Variants in RB1CC1 observed in about 807,000 individuals in gnomAD.
RB1CC1 encodes the protein RB1-inducible coiled-coil protein 1.
In RB1CC1, 46 loss-of-function variants were observed where a neutral mutation model predicts 177.5. The ratio of observed to expected loss-of-function variants is 0.26; its 90% CI spans 0.20 to 0.33. The LOEUF (loss-of-function observed/expected upper bound fraction) is 0.33. Ranked by LOEUF, RB1CC1 falls within the 10% of genes least tolerant of loss-of-function variation. The probability of loss-of-function intolerance (pLI) is 1.00; values close to 1 mark genes in which losing one functional copy is unlikely to be tolerated. For synonymous variants in RB1CC1, 666 were observed against 613.6 expected (o/e 1.09, Z -1.26); for missense variants, 1,703 against 1,816.3 (o/e 0.94, Z 1.13).
chr8:52,641,341 G>GCCAT (rs1849555988), intron 18 of RB1CC1, among the ~76,000 whole-genome samples: 1 of 135,308 alleles, frequency 7.4e-6, no homozygotes, highest in Non-Finnish European at 1.5e-5. Context: ...CCGAGATTGT[G>GCCAT]CCATCACACT....
At chr8:52,713,933 TC>T (rs948173909) in intron 1 of RB1CC1, 141 bp downstream of exon 1, 1 of 167,126 alleles carries the variant, frequency 6.0e-6, no homozygotes, top group African/African-American at 2.4e-5. Flanking sequence ...GCCGGGGCCC[TC>T]CCGTGCACAC....
At chr8:52,665,048 T>C (rs1851950999) in intron 8 of RB1CC1, among the ~76,000 whole-genome samples, 1 of 152,138 alleles carries the variant, frequency 6.6e-6, no homozygotes, top group African/African-American at 2.4e-5. Flanking sequence ...CCCTAGTTTA[T>C]TCAATCTGAG....
rs186238093 is a variant in RB1CC1 at position 52,656,343 on chromosome 8, A to G, written c.3486T>C (p.His1162=). 33 of 1,612,206 alleles carry G rather than the reference A, an allele frequency of 2.0e-5. No individual in the cohort carries two copies. The highest frequency in any genetic ancestry group is 2.6e-5 in the Non-Finnish European group (31 of 1,179,520). The part of the protein sequence containing the change: ...KAELNKVTSL[H]NQAFEIEKNL... ...TTTTTTCTATTTCAAATGCTTGGTT[A>G]TGCAAAGATGTTACTTTGTTTAATT... The change falls in exon 15 of 24, where the codon CAT becomes CAC. Residue 1162 remains histidine, a synonymous_variant. Coordinates refer to ENST00000025008, the MANE Select transcript of RB1CC1 (RefSeq NM_014781.5).
intron 7 of RB1CC1, among the ~76,000 whole-genome samples, chr8:52,672,429 T>A (rs1274176160): frequency 2.0e-5 from 3 of 152,190 alleles, no homozygotes; most frequent in African/African-American, 7.2e-5. Flanking sequence ...TGTTTTGACA[T>A]CTGGCACAGC....
At chr8:52,685,055 T>C (rs1029156909) in intron 3 of RB1CC1, among the ~76,000 whole-genome samples, 1 of 147,846 alleles carries the variant, frequency 6.8e-6, no homozygotes, top group Admixed American at 6.9e-5. Flanking sequence ...TGGGCTGGAG[T>C]GCAGTGGTGC....
At chr8:52,709,916 T>C (rs1022110115) in intron 1 of RB1CC1, among the ~76,000 whole-genome samples, 3 of 152,208 alleles carry the variant, frequency 2.0e-5, no homozygotes, top group Non-Finnish European at 4.4e-5. Flanking sequence ...AATACAAATA[T>C]CTTCAAGATG....
intron 15 of RB1CC1, among the ~76,000 whole-genome samples, chr8:52,647,665 T>C (rs1273686364): frequency 6.6e-6 from 1 of 152,100 alleles, no homozygotes; most frequent in African/African-American, 2.4e-5. Flanking sequence ...CTGAAACTTT[T>C]AGGAATAAAA....
intron 16 of RB1CC1, chr8:52,643,037 A>G: frequency 2.6e-6 from 1 of 380,652 alleles, no homozygotes; most frequent in Non-Finnish European, 4.4e-6. Flanking sequence ...TTTTCTTATT[A>G]TTGTCCATAT....
intron 17 of RB1CC1, 28 bp downstream of exon 17, chr8:52,642,676 A>AAAAAAAATAGTAC (rs1849687241): frequency 6.4e-7 from 1 of 1,563,536 alleles, no homozygotes; most frequent in South Asian, 1.2e-5. Context: ...TTAAAAAATT[A>AAAAAAAATAGTAC]AAAAAAATAG....
chr8:52,673,977 A>T lies in RB1CC1; in HGVS notation c.870T>A (p.Asp290Glu). Residue 290 changes from aspartate to glutamate, a missense_variant, in exon 7 of 24, where the codon GAT (aspartate) becomes GAA (glutamate). Asp to Glu is a conservative substitution (Grantham distance 45). Transcript: ENST00000025008. ...ESCQSTVHQQ[D>E]ETTIDTKDGD... ...CATCTTTAGTGTCAATCGTAGTTTC[A>T]TCTTGCTGATGAACAGTACTTTGAC... The T allele has an allele frequency of 6.2e-7, 1 of 1,614,194 alleles. No individual in the cohort carries two copies. The highest frequency in any genetic ancestry group is 8.5e-7 in the Non-Finnish European group (1 of 1,180,026).
chr8:52,636,303 T>G (rs1849139626), intron 18 of RB1CC1, among the ~76,000 whole-genome samples: 1 of 152,200 alleles, frequency 6.6e-6, no homozygotes, highest in Admixed American at 6.5e-5. Context: ...TGCATTTATC[T>G]AGAGATGTCT....
At chr8:52,700,037 C>G (rs1855906467) in intron 1 of RB1CC1, among the ~76,000 whole-genome samples, 1 of 151,632 alleles carries the variant, frequency 6.6e-6, no homozygotes, top group African/African-American at 2.4e-5. Context: ...AATGCCTATA[C>G]AAGAGCTATG....
chr8:52,638,777 T>G (rs1253353738), intron 18 of RB1CC1, among the ~76,000 whole-genome samples: 1 of 152,120 alleles, frequency 6.6e-6, no homozygotes, highest in African/African-American at 2.4e-5. Context: ...ATGTAAAATA[T>G]GGCTCACCTC....
At chr8:52,703,258 C>T (rs1049745751) in intron 1 of RB1CC1, among the ~76,000 whole-genome samples, 1 of 152,172 alleles carries the variant, frequency 6.6e-6, no homozygotes. Context: ...TAATTCAGAT[C>T]TTCCTACTGC....
At chr8:52,668,429 T>C (rs570982200) in intron 7 of RB1CC1, among the ~76,000 whole-genome samples, 17 of 152,330 alleles carry the variant, frequency 1.1e-4, no homozygotes, top group African/African-American at 3.8e-4. Context: ...GAATCACACA[T>C]TTCAATCAGT....
At chr8:52,632,352 G>A (rs112491761) in intron 20 of RB1CC1, among the ~76,000 whole-genome samples, 69 of 152,224 alleles carry the variant, frequency 4.5e-4, no homozygotes, top group African/African-American at 1.2e-3. Context: ...CCCTCTGAAC[G>A]CTATCTGGTA....
At chr8:52,626,284 A>G (rs1390085598) in intron 22 of RB1CC1, among the ~76,000 whole-genome samples, 1 of 152,232 alleles carries the variant, frequency 6.6e-6, no homozygotes, top group East Asian at 1.9e-4. Context: ...AAATAAATAA[A>G]TTCTTTTCTG....
Position 52,657,362 on chromosome 8 carries a change from T to C in RB1CC1, c.2467A>G (p.Arg823Gly). ...CACTGTTCTTTTTGTACAAATGTTC[T>C]AAAGTGGCAAAGGTCTTCCTTAATG... ...QTIKEDLCHF[R>G]TFVQKEQCDF... Residue 823 changes from arginine (R) to glycine (G), a missense_variant, in exon 15 of 24, where the codon AGA becomes GGA. By Grantham distance (125) the Arg-to-Gly change is moderately radical. This residue lies in a region of RB1CC1 where 1,169 missense variants were observed against 1,184.7 expected (regional missense o/e 0.99). Coordinates refer to ENST00000025008, the MANE Select transcript of RB1CC1 (RefSeq NM_014781.5). 6.2e-7 allele frequency: 1 copy of C among 1,614,076 alleles called. No individual in the cohort carries two copies. The highest frequency in any genetic ancestry group is 8.5e-7 in the Non-Finnish European group (1 of 1,179,988).
In RB1CC1 at chr8:52,668,184, G is replaced by T. The variant is rs1196212473; in HGVS notation, c.1010C>A (p.Pro337Gln). The T allele has an allele frequency of 7.4e-6, 12 of 1,612,944 alleles. No homozygotes were observed. Among genetic ancestry groups the T allele is most frequent in the Non-Finnish European group, 1.0e-5 (12 of 1,179,720 alleles). ...TGCTATAAATGGTCGAATAATCCTT[G>T]GATCAAGCTAAATGACAAGGAAACA... ...KCFDSMSRLD[P>Q]RIIRPFIAEC... The change falls in exon 8 of 24, where the codon CCA becomes CAA. Residue 337 changes from proline (P) to glutamine (Q), a missense_variant. Transcript: ENST00000025008.
Sources: allele counts gnomAD v4.1 joint callset (sites outside exome capture counted in the v4.1 genomes callset), GRCh38; gene constraint gnomAD v4.1.1; regional missense constraint gnomAD v4.1.1; transcripts MANE v1.5; gene names NCBI Gene and HGNC (gene_info 2026-07-23, HGNC 2026-07-21).